The following ACTN4 variants were observed in gnomAD, a reference collection of about 807,000 sequenced individuals.
The protein encoded by ACTN4 is alpha-actinin-4.
A neutral mutation model predicts 114.2 loss-of-function variants in ACTN4; 18 were observed. The observed-to-expected ratio is 0.16, with a 90% confidence interval of 0.11 to 0.23. ACTN4 has a LOEUF of 0.23. Ranked by LOEUF, ACTN4 falls within the 10% of genes least tolerant of loss-of-function variation. The probability of loss-of-function intolerance (pLI) is 1.00; values close to 1 mark genes in which losing one functional copy is unlikely to be tolerated. For missense variants in ACTN4, 722 were observed against 1,262.9 expected, an observed-to-expected ratio of 0.57 and a Z score of 6.49; for synonymous variants, 515 against 506.3, an observed-to-expected ratio of 1.02 and a Z score of -0.23.
Position 38,724,119 on chromosome 19 carries a change from G to C in ACTN4, c.1693-38G>C, listed in dbSNP as rs1186912173. ...CCCCCATCTTCCCAAGAGCCTCTGT[G>C]GGGCTGGGCCGCCCCCTCACTCCAG... On this transcript the variant is annotated intron_variant, in intron 14 of 20. Transcript: ENST00000252699. This position sits in a 1 kb window ranked among gnomAD's most constrained non-coding sequence, Gnocchi z 7.0. The C allele has an allele frequency of 1.2e-6, 2 of 1,613,604 alleles. No homozygotes were observed. The highest frequency in any genetic ancestry group is 3.3e-5 in the Admixed American group (2 of 60,026).
At chr19:38,672,309 C>G (rs539910194) in intron 1 of ACTN4, among the ~76,000 whole-genome samples, 15 of 136,110 alleles carry the variant, frequency 1.1e-4, no homozygotes, top group African/African-American at 4.1e-4. Flanking sequence ...GGCGTGATAT[C>G]GGCTTACTGC....
At chr19:38,704,869 T>C (rs1968403690) in intron 3 of ACTN4, 65 bp from the exon 4 acceptor site, 2 of 1,480,334 alleles carry the variant, frequency 1.4e-6, no homozygotes, top group Non-Finnish European at 1.9e-6. Context: ...ACCTTCAGGT[T>C]GGGCGGAGGA....
chr19:38,681,220 A>T (rs1035428393), intron 1 of ACTN4, among the ~76,000 whole-genome samples: 3 of 151,428 alleles, frequency 2.0e-5, no homozygotes, highest in Admixed American at 6.6e-5. Context: ...CAGATGACTT[A>T]ACCACTCTGT....
intron 1 of ACTN4, among the ~76,000 whole-genome samples, chr19:38,691,271 C>T (rs1184953529): frequency 6.6e-6 from 1 of 151,786 alleles, no homozygotes; most frequent in Non-Finnish European, 1.5e-5. Flanking sequence ...AAAAATTAGC[C>T]AGGCCTGTAA....
chr19:38,724,221 C>T lies in ACTN4; in HGVS notation c.1757C>T (p.Ala586Val), dbSNP rs765699518. Residue 586 changes from alanine to valine, a missense_variant, in exon 15 of 21, where the codon GCC becomes GTC. By Grantham distance (64) the Ala-to-Val change is moderately conservative. Transcript: ENST00000252699. This position sits in a 1 kb window ranked among gnomAD's most constrained non-coding sequence, Gnocchi z 7.0. ...CCGGACGCCGATAGGGAGCGCGAGG[C>T]CATCCTGGCCATCCACAAGGAGGCC... is the stretch of plus-strand genomic sequence containing the variant. ...TLPDADRERE[A>V]ILAIHKEAQR... is the part of the protein sequence containing the mutation. 2 of 1,613,874 alleles carry T rather than the reference C, an allele frequency of 1.2e-6. No individual in the cohort carries two copies. Among genetic ancestry groups the T allele is most frequent in the Admixed American group, 1.7e-5 (1 of 60,028 alleles).
Position 38,730,140 on chromosome 19 carries a change from A to G in ACTN4, c.*708A>G, listed in dbSNP as rs935505298. 6 of 154,592 alleles carry G rather than the reference A, an allele frequency of 3.9e-5. No homozygotes were observed. Among genetic ancestry groups the G allele is most frequent in the Non-Finnish European group, 5.7e-5 (4 of 69,642 alleles). 9.6% of individuals were successfully genotyped at this position (154,592 alleles called of 1,614,324 possible). ...CAAAACAACAAAAACCAAAAAAAAA[A>G]AAAATCACAAAAACAAAAAAACTAT... On this transcript the variant is annotated 3_prime_UTR_variant, in exon 21 of 21. Coordinates refer to ENST00000252699, the MANE Select transcript of ACTN4 (RefSeq NM_004924.6).
intron 1 of ACTN4, among the ~76,000 whole-genome samples, chr19:38,655,802 T>C (rs1433489250): frequency 6.6e-6 from 1 of 152,230 alleles, no homozygotes; most frequent in Admixed American, 6.5e-5. Context: ...TTATGTAAGA[T>C]AAAACGATGT....
chr19:38,696,071 TAGTA>T (rs915982243), intron 1 of ACTN4, among the ~76,000 whole-genome samples: 1 of 152,114 alleles, frequency 6.6e-6, no homozygotes, highest in African/African-American at 2.4e-5. Flanking sequence ...GTGACAGAAT[TAGTA>T]AGTGACCAAG....
chr19:38,703,692 C>T (rs575260222), intron 3 of ACTN4, among the ~76,000 whole-genome samples: 8 of 152,270 alleles, frequency 5.3e-5, no homozygotes, highest in South Asian at 2.1e-4. Context: ...CCCGCCCTCA[C>T]GAGGGCAGGC....
At chr19:38,688,448 G>A (rs950383969) in intron 1 of ACTN4, among the ~76,000 whole-genome samples, 2 of 150,436 alleles carry the variant, frequency 1.3e-5, no homozygotes, top group African/African-American at 2.4e-5. Context: ...GTGGGCGCCT[G>A]TTGTCCCAGC....
intron 1 of ACTN4, among the ~76,000 whole-genome samples, chr19:38,669,928 C>T: frequency 6.6e-6 from 1 of 152,164 alleles, no homozygotes; most frequent in East Asian, 1.9e-4. Context: ...AGCCAAGAAT[C>T]TCAAGGCTCA....
intron 1 of ACTN4, among the ~76,000 whole-genome samples, chr19:38,699,471 A>G (rs1325222342): frequency 6.6e-6 from 1 of 152,162 alleles, no homozygotes; most frequent in Non-Finnish European, 1.5e-5. Context: ...TAGGAAGGAT[A>G]GGGCTGGGTG....
chr19:38,724,895 C>G lies in ACTN4; in HGVS notation c.2010+330C>G, dbSNP rs1969181220. The stretch of plus-strand genomic sequence containing the variant: ...GGTGCGCAGCCCAAGGAGGTCGAGG[C>G]TGCCGTGAGCTACGATCATGCCACT... On this transcript the variant is annotated intron_variant, in intron 16 of 20. Coordinates refer to ENST00000252699, the MANE Select transcript of ACTN4 (RefSeq NM_004924.6). This position sits in a 1 kb window ranked among gnomAD's most constrained non-coding sequence, Gnocchi z 7.0. Among the ~76,000 whole-genome samples the G allele has an allele frequency of 6.6e-6, 1 of 152,150 alleles. No homozygotes were observed. Among genetic ancestry groups the G allele is most frequent in the Non-Finnish European group, 1.5e-5 (1 of 68,012 alleles).
chr19:38,678,617 T>C (rs1967452280), intron 1 of ACTN4, among the ~76,000 whole-genome samples: 1 of 152,212 alleles, frequency 6.6e-6, no homozygotes, highest in South Asian at 2.1e-4. Flanking sequence ...CAGAATCTGA[T>C]AGCTCCCTGG....
At chr19:38,721,893 C>A in intron 12 of ACTN4, 3 of 738,000 alleles carry the variant, frequency 4.1e-6, no homozygotes, top group Admixed American at 2.1e-5. Context: ...AGGTGGGACA[C>A]CTGAAGGATT....
intron 3 of ACTN4, among the ~76,000 whole-genome samples, chr19:38,704,320 T>C (rs1968381841): frequency 6.6e-6 from 1 of 152,154 alleles, no homozygotes; most frequent in African/African-American, 2.4e-5. Flanking sequence ...AAACCAACCA[T>C]GCTCGCTGCT....
intron 12 of ACTN4, among the ~76,000 whole-genome samples, chr19:38,722,503 G>T (rs1969080331): frequency 6.6e-6 from 1 of 152,198 alleles, no homozygotes; most frequent in Non-Finnish European, 1.5e-5. Context: ...CCCCAGTGGA[G>T]CCCCATGCTG....
At position 38,647,789 on chromosome 19, in the gene ACTN4, C is replaced by T. The variant is rs866140319; in HGVS notation, c.44C>T (p.Pro15Leu). The change falls in exon 1 of 21, where the codon CCC (proline) becomes CTC (leucine). Residue 15 changes from proline (P) to leucine (L), a missense_variant. By Grantham distance (98) the Pro-to-Leu change is moderately conservative (BLOSUM62 -3). Around this residue, in one of 3 missense-constraint regions of ACTN4, gnomAD observed 72 missense variants for 75.6 expected, o/e 0.95. Transcript: ENST00000252699. ...HAANQSYQYG[P>L]SSAGNGAGGG... ...GCGAACCAGTCGTACCAGTACGGCC[C>T]CAGCAGCGCGGGCAATGGCGCTGGC... 1 of 1,555,600 alleles carries T rather than the reference C, an allele frequency of 6.4e-7. No individual in the cohort carries two copies. The highest frequency in any genetic ancestry group is 1.2e-5 in the South Asian group (1 of 84,522).
Position 38,724,694 on chromosome 19 carries a change from C to T in ACTN4, c.2010+129C>T. 1 of 1,451,700 alleles carries T rather than the reference C, an allele frequency of 6.9e-7. No homozygotes were observed. The highest frequency in any genetic ancestry group is 1.8e-5 in the Admixed American group (1 of 55,226). 89.9% of individuals were successfully genotyped at this position (1,451,700 alleles called of 1,614,324 possible). On this transcript the variant is annotated intron_variant, in intron 16 of 20. Transcript: ENST00000252699. The surrounding 1 kb of genome is among the most constrained non-coding windows in gnomAD (Gnocchi z 7.0). ...AGAGCAGGTCCCAATTCTCACCACC[C>T]AGGGGCCGTGATCACCCTGCGGGGT...
Sources: allele counts gnomAD v4.1 joint callset (sites outside exome capture counted in the v4.1 genomes callset), GRCh38; gene constraint gnomAD v4.1.1; regional missense constraint gnomAD v4.1.1; non-coding constraint Gnocchi (gnomAD v3.1); transcripts MANE v1.5; gene names NCBI Gene and HGNC (gene_info 2026-07-23, HGNC 2026-07-21).